The following SCAF8 variants were observed in gnomAD, a reference collection of about 807,000 sequenced individuals.
SCAF8 encodes SR-related and CTD-associated factor 8.
A neutral mutation model predicts 140.5 loss-of-function variants in SCAF8; 23 were observed. The observed-to-expected ratio is 0.16, with a 90% CI of 0.12 to 0.23. The LOEUF is 0.23. SCAF8 is among the 10% of genes least tolerant of loss of function. SCAF8 has a pLI of 1.00. For missense variants in SCAF8, 1,397 were observed against 1,555.7 expected, an observed-to-expected ratio of 0.90 and a Z score of 1.72; for synonymous variants, 575 against 528.9, an observed-to-expected ratio of 1.09 and a Z score of -1.20.
At chr6:154,802,781 C>G (rs1241985522) in intron 7 of SCAF8, among the ~76,000 whole-genome samples, 2 of 152,088 alleles carry the variant, frequency 1.3e-5, no homozygotes, top group Non-Finnish European at 2.9e-5. Context: ...CTGTGATGCT[C>G]TGGGTTCTGT....
intron 12 of SCAF8, among the ~76,000 whole-genome samples, chr6:154,813,894 T>TAGA (rs1294759045): frequency 2.6e-5 from 4 of 152,194 alleles, no homozygotes; most frequent in Non-Finnish European, 4.4e-5. Flanking sequence ...AGGCAGCTTG[T>TAGA]AGAACCTAGC....
chr6:154,747,984 A>G (rs1170926635), intron 1 of SCAF8, among the ~76,000 whole-genome samples: 1 of 151,018 alleles, frequency 6.6e-6, no homozygotes, highest in Non-Finnish European at 1.5e-5. Flanking sequence ...CATTTTATTT[A>G]TTGAAAGTTG....
chr6:154,741,942 C>G, intron 1 of SCAF8: 3 of 1,523,242 alleles, frequency 2.0e-6, no homozygotes, highest in Non-Finnish European at 2.6e-6. Context: ...TCTTTCTCTA[C>G]TCCTCTCTCT....
rs1321740725 is a variant in SCAF8, at chr6:154,820,242, A to C, written c.1701A>C (p.Gly567=). The C allele has an allele frequency of 7.5e-6, 12 of 1,610,284 alleles. No homozygotes were observed. The highest frequency in any genetic ancestry group is 1.0e-5 in the Non-Finnish European group (12 of 1,178,730). ...AACAATTCTGGGATGTGGATCTTGG[A>C]GTTACATATATACCATGGGAAAAAG... The part of the protein sequence containing the change: ...EYKQFWDVDL[G]VTYIPWEKVK... The change falls in exon 15 of 20, where the codon GGA becomes GGC. Residue 567 remains glycine (G), a synonymous_variant. Coordinates refer to ENST00000367178, the MANE Select transcript of SCAF8 (RefSeq NM_014892.5).
intron 1 of SCAF8, among the ~76,000 whole-genome samples, chr6:154,770,080 A>G (rs1776692272): frequency 6.6e-6 from 1 of 152,206 alleles, no homozygotes; most frequent in Non-Finnish European, 1.5e-5. Context: ...GCATGAATAT[A>G]TTAAAATTCC....
At chr6:154,745,304 C>T (rs901676992) in intron 1 of SCAF8, among the ~76,000 whole-genome samples, 2 of 152,142 alleles carry the variant, frequency 1.3e-5, no homozygotes, top group African/African-American at 2.4e-5. Context: ...ATATTGTATT[C>T]CTCTCAGCAC....
chr6:154,733,457 T>C lies in SCAF8; in HGVS notation c.-444T>C, dbSNP rs1348499598. 13 of 1,380,468 alleles carry C rather than the reference T, an allele frequency of 9.4e-6. No individual in the cohort carries two copies. The highest frequency in any genetic ancestry group is 6.6e-5 in the Admixed American group (2 of 30,394). The allele number at this position is 1,380,468 out of a possible 1,614,324, so 85.5% of individuals were successfully genotyped here. On this transcript the variant is annotated 5_prime_UTR_variant, in exon 1 of 20. Transcript: ENST00000367178. ...CCGCTGCTGCCAGCGCTTCCTCCTC[T>C]GTCTTCGCCGAGCGGGGCTGGTTCC...
At chr6:154,774,177 AGTGTTAACACATATT>A in intron 2 of SCAF8, 105 bp downstream of exon 2, 5 of 793,812 alleles carry the variant, frequency 6.3e-6, no homozygotes. Context: ...TTCACTTTAC[AGTGTTAACACATATT>A]GTGGAAAAAC....
At position 154,766,670 on chromosome 6, in the gene SCAF8, T is replaced by C. The variant is rs28865127; in HGVS notation, c.31-7319T>C. On this transcript the variant is annotated intron_variant, in intron 1 of 19. Coordinates refer to ENST00000367178, the MANE Select transcript of SCAF8 (RefSeq NM_014892.5). ...CTCCCTCCAGCAGCACCCCCCCCCC[T>C]TTTTTTTTTTTTTTGCTATATCCAC... 8.2e-3 allele frequency among the ~76,000 whole-genome samples: 244 copies of C among 29,576 alleles called. 1 individual carries two copies. The highest frequency in any genetic ancestry group is 0.062 in the East Asian group (8 of 130). The allele number at this position is 29,576 out of a possible 152,430, so 19.4% of individuals were successfully genotyped here.
At chr6:154,821,918 C>T (rs1168869308) in intron 15 of SCAF8, among the ~76,000 whole-genome samples, 2 of 152,148 alleles carry the variant, frequency 1.3e-5, no homozygotes, top group African/African-American at 4.8e-5. Context: ...TGGATTAATA[C>T]TCTCCTAGTT....
chr6:154,770,883 T>A (rs993658204), intron 1 of SCAF8, among the ~76,000 whole-genome samples: 2 of 152,132 alleles, frequency 1.3e-5, no homozygotes, highest in Non-Finnish European at 2.9e-5. Context: ...TAACTGGGAT[T>A]ACAGGCATTT....
In SCAF8 at chr6:154,833,277, A is replaced by G; in HGVS notation, c.3698A>G (p.Asp1233Gly). ...AQPPPIPVQN[D>G]PELYEKLTSS... ...CCACCACCTATACCAGTACAGAATG[A>G]TCCTGAACTTTATGAAAAACTGACA... Residue 1233 changes from aspartate to glycine, a missense_variant, in exon 20 of 20, where the codon GAT (aspartate) becomes GGT (glycine). Physicochemically the swap from Asp to Gly is moderately conservative, Grantham distance 94. This residue lies in a region of SCAF8 where 930 missense variants were observed against 874.6 expected (regional missense o/e 1.06). Transcript: ENST00000367178. 6.2e-7 allele frequency: 1 copy of G among 1,614,060 alleles called. No individual in the cohort carries two copies. The highest frequency in any genetic ancestry group is 8.5e-7 in the Non-Finnish European group (1 of 1,180,004).
intron 18 of SCAF8, among the ~76,000 whole-genome samples, chr6:154,829,387 G>A (rs994931729): frequency 1.2e-4 from 18 of 151,942 alleles, no homozygotes; most frequent in South Asian, 1.0e-3. Context: ...ATCATTGGAC[G>A]TTACAGAAAT....
rs57095332 is a variant in SCAF8 at position 154,790,489 on chromosome 6, A to ATTTTTTTTTTTTTTT, written c.322-2309_322-2295dup. Among the ~76,000 whole-genome samples the ATTTTTTTTTTTTTTT allele has an allele frequency of 2.8e-4, 20 of 70,876 alleles. 2 individuals are homozygous for ATTTTTTTTTTTTTTT. The highest frequency in any genetic ancestry group is 1.2e-3 in the South Asian group (2 of 1,640). The allele number at this position is 70,876 out of a possible 152,430, so 46.5% of individuals were successfully genotyped here. A position where few individuals can be genotyped will look rare whatever the true frequency, so the allele number is the denominator to read the frequency against. On this transcript the variant is annotated intron_variant, in intron 4 of 19. Transcript: ENST00000367178. ...TTGTAAAACATATACATTTAACAGA[A>ATTTTTTTTTTTTTTT]TTTTTTTTTTTTTTTTTTTTTTTTT...
chr6:154,796,353 TTCTC>T (rs532893908), intron 6 of SCAF8, among the ~76,000 whole-genome samples: 4,815 of 75,068 alleles, frequency 0.064, 98 homozygotes, highest in South Asian at 0.088. Flanking sequence ...TGCAATCCTG[TTCTC>T]TCTCTCTCTC....
In SCAF8 at chr6:154,831,929, T is replaced by C. The variant is rs199811064; in HGVS notation, c.2360-10T>C. 52 of 1,567,184 alleles carry C rather than the reference T, an allele frequency of 3.3e-5. No homozygotes were observed. The highest frequency in any genetic ancestry group is 3.1e-4 in the East Asian group (14 of 44,530). The stretch of plus-strand genomic sequence containing the variant: ...TATTTTGAGTTTTTTCTCTCTCTCT[T>C]TTTTTTTAGTGATTCCAAATGATAT... On this transcript the variant is annotated splice_polypyrimidine_tract_variant and intron_variant, in intron 19 of 19. Coordinates refer to ENST00000367178, the MANE Select transcript of SCAF8 (RefSeq NM_014892.5).
chr6:154,806,037 A>T (rs1777903809), intron 9 of SCAF8, among the ~76,000 whole-genome samples: 1 of 152,318 alleles, frequency 6.6e-6, no homozygotes, highest in South Asian at 2.1e-4. Context: ...GAGGAAGTGG[A>T]AGCTTGGTGA....
chr6:154,792,880 A>G lies in SCAF8; in HGVS notation c.379A>G (p.Ile127Val), dbSNP rs1241566647. 2 of 1,613,416 alleles carry G rather than the reference A, an allele frequency of 1.2e-6. No homozygotes were observed. Among genetic ancestry groups the G allele is most frequent in the Admixed American group, 3.3e-5 (2 of 59,992 alleles). ...GAAGAATAATGTATTTAAGAGTGAG[A>G]TTATTCAGCCCCTTTTGGATATGGC... is the stretch of plus-strand genomic sequence containing the variant. ...WQKNNVFKSE[I>V]IQPLLDMAAG... Residue 127 changes from isoleucine (I) to valine (V), a missense_variant, in exon 5 of 20, where the codon ATT becomes GTT. By Grantham distance (29) the Ile-to-Val change is conservative. Coordinates refer to ENST00000367178, the MANE Select transcript of SCAF8 (RefSeq NM_014892.5).
At chr6:154,772,604 G>A (rs996174734) in intron 1 of SCAF8, among the ~76,000 whole-genome samples, 27 of 152,080 alleles carry the variant, frequency 1.8e-4, no homozygotes, top group African/African-American at 5.1e-4. Flanking sequence ...TGGGAGTATC[G>A]TTTGAACCCA....
Sources: gnomAD v4.1 joint callset for allele counts (sites outside exome capture counted in the v4.1 genomes callset) on GRCh38, gnomAD v4.1.1 for gene constraint, gnomAD v4.1.1 regional missense constraint, MANE v1.5 for transcripts, NCBI Gene and HGNC (gene_info 2026-07-23, HGNC 2026-07-21) for gene names.